Variants in MEIS1 observed in about 807,000 individuals in gnomAD.
The protein encoded by MEIS1 is homeobox protein Meis1.
MEIS1 carries 5 observed loss-of-function variants against 50.8 expected under a neutral mutation model. That is an observed-to-expected ratio of 0.10 (90% CI 0.05 to 0.21). The LOEUF (loss-of-function observed/expected upper bound fraction) is 0.21, where lower values mean the gene tolerates loss of function less well. MEIS1 is among the 10% of genes least tolerant of loss of function. The probability of loss-of-function intolerance (pLI) is 1.00; values close to 1 mark genes in which losing one functional copy is unlikely to be tolerated. For synonymous variants in MEIS1, 176 were observed against 179.3 expected, an observed-to-expected ratio of 0.98 and a Z score of 0.15; for missense variants, 318 against 517.3, an observed-to-expected ratio of 0.61 and a Z score of 3.74.
chr2:66,499,431 T>C (rs1429690795), intron 7 of MEIS1, among the ~76,000 whole-genome samples: 3 of 152,172 alleles, frequency 2.0e-5, no homozygotes, highest in African/African-American at 7.2e-5. Context: ...TAGGATGGAC[T>C]CTCTCATCCC....
intron 8 of MEIS1, among the ~76,000 whole-genome samples, chr2:66,543,453 TCCACTGCCCACAAG>T (rs764472568): frequency 6.6e-6 from 1 of 152,170 alleles, no homozygotes; most frequent in Non-Finnish European, 1.5e-5. Context: ...TCGCTGGGGT[TCCACTGCCCACAAG>T]CCACTTAGTT....
At chr2:66,487,359 C>T (rs1216100552) in intron 7 of MEIS1, among the ~76,000 whole-genome samples, 1 of 152,160 alleles carries the variant, frequency 6.6e-6, no homozygotes, top group East Asian at 1.9e-4. Context: ...TGTCTATATA[C>T]ATGGATACAC....
chr2:66,522,283 A>G lies in MEIS1; in HGVS notation c.888+9989A>G, dbSNP rs1038700541. Among the ~76,000 whole-genome samples, 14 of 152,208 alleles carry G rather than the reference A, an allele frequency of 9.2e-5. 1 individual carries two copies. The highest frequency in any genetic ancestry group is 8.5e-4 in the Admixed American group (13 of 15,280). ...TGTCATAGAGCAGAAAGGGTAAAGA[A>G]TGGAGGGGCTTGAGAATATCAAATC... On this transcript the variant is annotated intron_variant, in intron 8 of 12. Transcript: ENST00000272369.
At chr2:66,464,622 A>G (rs574741355) in intron 7 of MEIS1, among the ~76,000 whole-genome samples, 2 of 152,342 alleles carry the variant, frequency 1.3e-5, no homozygotes, top group Admixed American at 6.5e-5. Flanking sequence ...TAGGATGCTT[A>G]TAAGGCTGTG....
chr2:66,549,544 C>A (rs767077799), intron 9 of MEIS1, among the ~76,000 whole-genome samples: 14 of 151,404 alleles, frequency 9.2e-5, no homozygotes, highest in Non-Finnish European at 1.9e-4. Context: ...ATATAATATC[C>A]TGGATGATAT....
At chr2:66,440,437 C>A in intron 3 of MEIS1, 125 bp from the exon 4 acceptor site, 1 of 814,412 alleles carries the variant, frequency 1.2e-6, no homozygotes, top group Non-Finnish European at 2.1e-6. Context: ...GGGTCCCTCC[C>A]GGAGGGTTAC....
At chr2:66,468,427 A>G (rs558029058) in intron 7 of MEIS1, among the ~76,000 whole-genome samples, 20 of 152,330 alleles carry the variant, frequency 1.3e-4, no homozygotes, top group Admixed American at 4.6e-4. Context: ...TAAAGTTAAG[A>G]GAGCTAAATA....
At chr2:66,469,571 G>C (rs1297882962) in intron 7 of MEIS1, among the ~76,000 whole-genome samples, 1 of 152,214 alleles carries the variant, frequency 6.6e-6, no homozygotes, top group Non-Finnish European at 1.5e-5. Context: ...CCAGGCATTT[G>C]AAACAGTCAG....
chr2:66,563,984 A>T (rs1412759884), intron 9 of MEIS1, among the ~76,000 whole-genome samples: 1 of 152,224 alleles, frequency 6.6e-6, no homozygotes, highest in Non-Finnish European at 1.5e-5. Context: ...TTTCACATAG[A>T]TGTCCATCAT....
intron 4 of MEIS1, 82 bp downstream of exon 4, chr2:66,440,694 C>A: frequency 2.3e-6 from 2 of 885,728 alleles, no homozygotes; most frequent in Non-Finnish European, 3.4e-6. Context: ...GCTTTGAGAG[C>A]CCTGAGATTT....
intron 8 of MEIS1, among the ~76,000 whole-genome samples, chr2:66,543,878 G>C (rs1378210482): frequency 6.6e-6 from 1 of 152,232 alleles, no homozygotes; most frequent in African/African-American, 2.4e-5. Flanking sequence ...CTCCCTCACT[G>C]TCTATGGGAC....
intron 7 of MEIS1, among the ~76,000 whole-genome samples, chr2:66,486,629 T>C (rs1673149201): frequency 6.6e-6 from 1 of 152,238 alleles, no homozygotes; most frequent in South Asian, 2.1e-4. Flanking sequence ...CTTCTAATTC[T>C]GTGAAGAAAG....
chr2:66,502,930 G>A (rs969814772), intron 7 of MEIS1, among the ~76,000 whole-genome samples: 2 of 152,168 alleles, frequency 1.3e-5, no homozygotes, highest in Non-Finnish European at 2.9e-5. Flanking sequence ...TTGCTGAGCT[G>A]GCTTTGGGAC....
intron 6 of MEIS1, among the ~76,000 whole-genome samples, chr2:66,452,662 A>G (rs1300934337): frequency 6.6e-6 from 1 of 151,964 alleles, no homozygotes; most frequent in Non-Finnish European, 1.5e-5. Flanking sequence ...AAAGATATTC[A>G]GTTGCAGAAT....
intron 4 of MEIS1, 79 bp from the exon 5 acceptor site, chr2:66,441,335 G>T (rs530476176): frequency 8.0e-7 from 1 of 1,256,366 alleles, no homozygotes; most frequent in Non-Finnish European, 1.1e-6. Context: ...GGAGGGGGTG[G>T]GCTGGAGATG....
chr2:66,570,771 T>C (rs1442228815), intron 12 of MEIS1: 1 of 153,654 alleles, frequency 6.5e-6, no homozygotes, highest in African/African-American at 2.4e-5. Context: ...TTTCCCCAGC[T>C]CTAAGAAACC....
At chr2:66,469,169 T>A (rs936925945) in intron 7 of MEIS1, among the ~76,000 whole-genome samples, 8 of 150,746 alleles carry the variant, frequency 5.3e-5, no homozygotes, top group African/African-American at 2.0e-4. Flanking sequence ...GAGGCAGGAC[T>A]CAGAATAACA....
Position 66,547,972 on chromosome 2 carries a change from G to C in MEIS1, c.918G>C (p.Lys306Asn). Residue 306 changes from lysine to asparagine, a missense_variant, in exon 9 of 13, where the codon AAG (lysine) becomes AAC (asparagine). Transcript: ENST00000272369. ...THPYPSEEQK[K>N]QLAQDTGLTI... Reference sequence around the variant, plus strand: ...CTTACCCTTCTGAAGAACAGAAAAAGCAGTTGGCACAAGACACGGGACTCA... The same window carrying C: ...CTTACCCTTCTGAAGAACAGAAAAACCAGTTGGCACAAGACACGGGACTCA... 1.2e-6 allele frequency: 2 copies of C among 1,613,082 alleles called. No homozygotes were observed. Among genetic ancestry groups the C allele is most frequent in the Non-Finnish European group, 1.7e-6 (2 of 1,179,276 alleles).
intron 7 of MEIS1, among the ~76,000 whole-genome samples, chr2:66,506,963 G>A (rs1673698067): frequency 6.6e-6 from 1 of 152,080 alleles, no homozygotes; most frequent in Non-Finnish European, 1.5e-5. Context: ...CACTAGCAAG[G>A]CAGGATGTTC....
Sources: allele counts gnomAD v4.1 joint callset (sites outside exome capture counted in the v4.1 genomes callset), GRCh38; gene constraint gnomAD v4.1.1; transcripts MANE v1.5; gene names NCBI Gene and HGNC (gene_info 2026-07-23, HGNC 2026-07-21).